MIA3: variants seen among roughly 807,000 people sequenced by gnomAD.
The protein encoded by MIA3 is transport and Golgi organization protein 1 homolog.
In MIA3, 90 loss-of-function variants were observed where a neutral mutation model predicts 192.4. The ratio of observed to expected loss-of-function variants is 0.47; its 90% CI spans 0.39 to 0.56. The LOEUF (loss-of-function observed/expected upper bound fraction) is 0.56. Ranked by LOEUF, MIA3 falls within the 20% of genes least tolerant of loss-of-function variation. MIA3 has a pLI of 0.00. For missense variants in MIA3, 2,123 were observed against 2,269.4 expected (o/e 0.94, Z 1.31); for synonymous variants, 740 against 792.8 (o/e 0.93, Z 1.12).
Position 222,628,598 on chromosome 1 carries a change from G to T in MIA3, c.1378G>T (p.Ala460Ser). ...PKTNNDKEVNAEHHIKGKGRG... is the reference protein window; with the variant it reads ...PKTNNDKEVNSEHHIKGKGRG... Reference sequence around the variant, plus strand: ...AACAAATAATGACAAAGAAGTAAACGCAGAACATCACATTAAAGGAAAAGG... The same window carrying T: ...AACAAATAATGACAAAGAAGTAAACTCAGAACATCACATTAAAGGAAAAGG... Residue 460 changes from alanine to serine, a missense_variant, in exon 4 of 28, where the codon GCA (alanine) becomes TCA (serine). Physicochemically the swap from Ala to Ser is moderately conservative, Grantham distance 99 (BLOSUM62 1). This residue lies in a region of MIA3 where 1,357 missense variants were observed against 1,396.1 expected (regional missense o/e 0.97). Transcript: ENST00000344922. 6.2e-7 allele frequency: 1 copy of T among 1,613,992 alleles called. No individual in the cohort carries two copies. The highest frequency in any genetic ancestry group is 8.5e-7 in the Non-Finnish European group (1 of 1,179,956).
intron 19 of MIA3, 93 bp from the exon 20 acceptor site, chr1:222,659,360 G>T: frequency 2.8e-6 from 3 of 1,084,954 alleles, no homozygotes; most frequent in Non-Finnish European, 4.2e-6. Context: ...GCTCTATTAG[G>T]GTACAGTTGT....
At chr1:222,641,942 A>G in intron 6 of MIA3, 1 of 376,690 alleles carries the variant, frequency 2.7e-6, no homozygotes, top group East Asian at 6.9e-5. Context: ...GCATACCCAT[A>G]CAATGAAATG....
chr1:222,651,220 T>C (rs1340399308), intron 11 of MIA3, among the ~76,000 whole-genome samples: 2 of 151,674 alleles, frequency 1.3e-5, no homozygotes, highest in African/African-American at 4.8e-5. Context: ...AGTTTTTTTT[T>C]TTTTTTGCTA....
Position 222,628,883 on chromosome 1 carries a change from G to A in MIA3, c.1663G>A (p.Glu555Lys), listed in dbSNP as rs1218122796. 5 of 1,614,070 alleles carry A rather than the reference G, an allele frequency of 3.1e-6. No homozygotes were observed. In the Admixed American group the frequency reaches 6.7e-5, roughly 22 times the overall value. ...PGEQILEGGS[E>K]SESAQKAAGN... ...AGAGCAGATTTTGGAAGGTGGCTCA[G>A]AGAGTGAATCTGCACAGAAAGCTGC... The change falls in exon 4 of 28, where the codon GAG becomes AAG. Residue 555 changes from glutamate (E) to lysine (K), a missense_variant. This residue lies in a region of MIA3 where 1,357 missense variants were observed against 1,396.1 expected (regional missense o/e 0.97). Transcript: ENST00000344922.
rs1662741554 is a variant in MIA3, at chr1:222,638,891, G to A, written c.3477+5642G>A. Among the ~76,000 whole-genome samples, 3 of 151,898 alleles carry A rather than the reference G, an allele frequency of 2.0e-5. No individual in the cohort carries two copies. In the South Asian group the frequency reaches 6.2e-4, roughly 32 times the overall value. On this transcript the variant is annotated intron_variant, in intron 6 of 27. Coordinates refer to ENST00000344922, the MANE Select transcript of MIA3 (RefSeq NM_198551.4). ...AGCAAATTAATCCTCAAGTAAACAGGAGAAAAGAAATAATGAAGATAAGAG... is the reference window on the plus strand; with the variant it reads ...AGCAAATTAATCCTCAAGTAAACAGAAGAAAAGAAATAATGAAGATAAGAG...
chr1:222,656,285 T>C (rs1375638076), intron 18 of MIA3, among the ~76,000 whole-genome samples: 1 of 152,088 alleles, frequency 6.6e-6, no homozygotes, highest in African/African-American at 2.4e-5. Context: ...GAATATACTT[T>C]AATGCAGGTT....
chr1:222,642,066 C>T (rs999747281), intron 6 of MIA3, among the ~76,000 whole-genome samples: 1 of 152,066 alleles, frequency 6.6e-6, no homozygotes, highest in South Asian at 2.1e-4. Flanking sequence ...TTATTACATA[C>T]ATATAAAACT....
At chr1:222,656,595 CCTG>C (rs1663744713) in intron 18 of MIA3, among the ~76,000 whole-genome samples, 1 of 152,088 alleles carries the variant, frequency 6.6e-6, no homozygotes, top group African/African-American at 2.4e-5. Flanking sequence ...ACCCTACCCT[CCTG>C]CTTTTTCTTT....
intron 7 of MIA3, among the ~76,000 whole-genome samples, chr1:222,647,535 C>T (rs1274401897): frequency 1.3e-5 from 2 of 152,072 alleles, no homozygotes; most frequent in Non-Finnish European, 2.9e-5. Context: ...TCCTGTGAGG[C>T]CTTCTCTAAC....
Position 222,659,784 on chromosome 1 carries a change from T to G in MIA3, c.4857T>G (p.Ala1619=), listed in dbSNP as rs760117177. 2.5e-6 allele frequency: 4 copies of G among 1,614,040 alleles called. No individual in the cohort carries two copies. The highest frequency in any genetic ancestry group is 3.4e-6 in the Non-Finnish European group (4 of 1,179,988). The change falls in exon 22 of 28, where the codon GCT becomes GCG. Residue 1619 remains alanine, a synonymous_variant. Coordinates refer to ENST00000344922, the MANE Select transcript of MIA3 (RefSeq NM_198551.4). ...CTATAGCTGAAGAGAAAAGGGAAGC[T>G]GCCAATTTGAGACACAAGTATGTGG... The part of the protein sequence containing the change: ...ERAIAEEKRE[A]ANLRHKLLEL...
chr1:222,664,505 A>G (rs1664182061), intron 27 of MIA3, among the ~76,000 whole-genome samples: 1 of 152,234 alleles, frequency 6.6e-6, no homozygotes, highest in South Asian at 2.1e-4. Flanking sequence ...TACACATTCT[A>G]CAACATAAAG....
At chr1:222,658,984 A>T (rs578133457) in intron 19 of MIA3, 161 bp downstream of exon 19, 1 of 558,738 alleles carries the variant, frequency 1.8e-6, no homozygotes, top group African/African-American at 1.9e-5. Context: ...AATATTAACA[A>T]ATACCCAGTG....
intron 6 of MIA3, among the ~76,000 whole-genome samples, chr1:222,640,089 A>G (rs1662786773): frequency 6.6e-6 from 1 of 152,164 alleles, no homozygotes; most frequent in Non-Finnish European, 1.5e-5. Context: ...TTCCATGTAC[A>G]ATAGTATCAA....
chr1:222,658,192 A>G (rs891826669), intron 18 of MIA3, among the ~76,000 whole-genome samples: 2 of 152,162 alleles, frequency 1.3e-5, no homozygotes, highest in Non-Finnish European at 2.9e-5. Context: ...TGAAATAGGT[A>G]GGGGAGCTCC....
chr1:222,636,820 C>T (rs530632432), intron 6 of MIA3, among the ~76,000 whole-genome samples: 17 of 152,090 alleles, frequency 1.1e-4, no homozygotes, highest in Admixed American at 5.9e-4. Context: ...CCCATAGTAT[C>T]CATCTTTCTG....
intron 7 of MIA3, chr1:222,647,985 G>A: frequency 2.9e-6 from 1 of 342,788 alleles, no homozygotes; most frequent in South Asian, 2.2e-5. Context: ...GCTTATGGAT[G>A]ATTTGTGGAC....
intron 6 of MIA3, chr1:222,644,228 T>A: frequency 8.1e-7 from 1 of 1,240,262 alleles, no homozygotes; most frequent in Non-Finnish European, 1.0e-6. Context: ...CGATAGTTGG[T>A]TCCGTCCGCT....
chr1:222,666,333 T>C lies in MIA3; in HGVS notation c.*714T>C, dbSNP rs1262464636. The C allele has an allele frequency of 1.3e-5, 2 of 152,188 alleles. No individual in the cohort carries two copies. The highest frequency in any genetic ancestry group is 3.9e-4 in the East Asian group (2 of 5,192). 9.4% of individuals were successfully genotyped at this position (152,188 alleles called of 1,614,324 possible). A position where few individuals can be genotyped will look rare whatever the true frequency, so the allele number is the denominator to read the frequency against. On this transcript the variant is annotated 3_prime_UTR_variant, in exon 28 of 28. Transcript: ENST00000344922. ...AAGTTTATTTCCCACTTGTATAGCA[T>C]TCACATGCTTTCTTTACGATCCTCA...
rs1048151492 is a variant in MIA3, at chr1:222,632,470, G to A, written c.3331+144G>A. Reference sequence around the variant, plus strand: ...AGAGCTAATTGAGAGAAAAGCAGGCGTCAAGACAGATGGAGATCAAAAATA... The same window carrying A: ...AGAGCTAATTGAGAGAAAAGCAGGCATCAAGACAGATGGAGATCAAAAATA... On this transcript the variant is annotated intron_variant, in intron 5 of 27. Coordinates refer to ENST00000344922, the MANE Select transcript of MIA3 (RefSeq NM_198551.4). 1.0e-4 allele frequency: 69 copies of A among 693,308 alleles called. No individual in the cohort carries two copies. In the Admixed American group the frequency reaches 1.2e-3, roughly 12 times the overall value. 42.9% of individuals were successfully genotyped at this position (693,308 alleles called of 1,614,324 possible). A position where few individuals can be genotyped will look rare whatever the true frequency, so the allele number is the denominator to read the frequency against.
Sources: gnomAD v4.1 joint callset for allele counts (sites outside exome capture counted in the v4.1 genomes callset) on GRCh38, gnomAD v4.1.1 for gene constraint, gnomAD v4.1.1 regional missense constraint, MANE v1.5 for transcripts, NCBI Gene and HGNC (gene_info 2026-07-23, HGNC 2026-07-21) for gene names.